The following PLXDC2 variants were observed in gnomAD, a reference collection of about 807,000 sequenced individuals.
The protein encoded by PLXDC2 is plexin domain containing 2, also known as plexin domain-containing protein 2.
A neutral mutation model predicts 68.9 loss-of-function variants in PLXDC2; 40 were observed. The ratio of observed to expected loss-of-function variants is 0.58; its 90% CI spans 0.45 to 0.76. The LOEUF (loss-of-function observed/expected upper bound fraction) is 0.76, where lower values mean the gene tolerates loss of function less well. Among genes scored for constraint, PLXDC2 ranks in the 30% least tolerant of loss-of-function variants. PLXDC2 has a pLI of 0.00. For synonymous variants in PLXDC2, 243 were observed against 234.2 expected, an observed-to-expected ratio of 1.04 and a Z score of -0.34; for missense variants, 644 against 661.9, an observed-to-expected ratio of 0.97 and a Z score of 0.30.
intron 6 of PLXDC2, among the ~76,000 whole-genome samples, chr10:20,152,417 G>T (rs190569192): frequency 2.0e-5 from 3 of 152,200 alleles, no homozygotes; most frequent in Admixed American, 6.5e-5. Context: ...ATAGCTCTGT[G>T]TTGTTCAACC....
At chr10:19,878,404 A>G (rs1324174969) in intron 1 of PLXDC2, among the ~76,000 whole-genome samples, 1 of 152,232 alleles carries the variant, frequency 6.6e-6, no homozygotes, top group Non-Finnish European at 1.5e-5. Flanking sequence ...CGTGGATTTA[A>G]AAAATGTATT....
intron 4 of PLXDC2, among the ~76,000 whole-genome samples, chr10:20,073,295 C>G (rs753219389): frequency 6.6e-6 from 1 of 152,194 alleles, no homozygotes; most frequent in Non-Finnish European, 1.5e-5. Context: ...TCCTTGAAAT[C>G]TATCTCTCTC....
At chr10:19,971,114 G>C (rs1589563003) in intron 1 of PLXDC2, among the ~76,000 whole-genome samples, 2 of 152,230 alleles carry the variant, frequency 1.3e-5, no homozygotes, top group South Asian at 2.1e-4. Context: ...ATGGTTAATT[G>C]ATAATACAGC....
intron 1 of PLXDC2, among the ~76,000 whole-genome samples, chr10:19,879,628 G>A (rs999160534): frequency 3.3e-5 from 5 of 152,126 alleles, no homozygotes; most frequent in Non-Finnish European, 5.9e-5. Context: ...GGCAGGTAGT[G>A]GGAATTCATT....
At chr10:20,205,545 TA>T (rs1462359299) in intron 9 of PLXDC2, among the ~76,000 whole-genome samples, 2 of 152,246 alleles carry the variant, frequency 1.3e-5, no homozygotes, top group East Asian at 1.9e-4. Flanking sequence ...TAAGGGACTT[TA>T]TGTTATAAAA....
chr10:20,095,469 A>G (rs1201064029), intron 4 of PLXDC2, among the ~76,000 whole-genome samples: 3 of 152,216 alleles, frequency 2.0e-5, no homozygotes, highest in Non-Finnish European at 4.4e-5. Flanking sequence ...ATACATAAGA[A>G]CTATGGAAAA....
chr10:19,918,694 G>T (rs528102194), intron 1 of PLXDC2, among the ~76,000 whole-genome samples: 45 of 152,290 alleles, frequency 3.0e-4, no homozygotes, highest in African/African-American at 1.0e-3. Context: ...TATTAACACA[G>T]GCAGTACTTT....
intron 4 of PLXDC2, among the ~76,000 whole-genome samples, chr10:20,075,889 C>T (rs1432770724): frequency 6.6e-6 from 1 of 152,122 alleles, no homozygotes; most frequent in Non-Finnish European, 1.5e-5. Context: ...CTGAAGTGTC[C>T]ACTGATTGCT....
intron 4 of PLXDC2, among the ~76,000 whole-genome samples, chr10:20,075,009 CA>C (rs1836415143): frequency 2.6e-5 from 4 of 152,102 alleles, no homozygotes; most frequent in Admixed American, 6.6e-5. Flanking sequence ...ACTCAAGTCT[CA>C]AGGATTCCTA....
intron 6 of PLXDC2, among the ~76,000 whole-genome samples, chr10:20,151,415 A>G (rs906662810): frequency 2.0e-5 from 3 of 152,142 alleles, no homozygotes; most frequent in African/African-American, 7.2e-5. Flanking sequence ...AATGTTTATG[A>G]CTTAATTTTG....
At position 20,224,470 on chromosome 10, in the gene PLXDC2, C is replaced by T. The variant is rs561065951; in HGVS notation, c.1312+5368C>T. Among the ~76,000 whole-genome samples, 4 of 152,312 alleles carry T rather than the reference C, an allele frequency of 2.6e-5. No individual in the cohort carries two copies. In the East Asian group the frequency reaches 7.7e-4, roughly 29 times the overall value. The stretch of plus-strand genomic sequence containing the variant: ...AGCAGGTACAACTATTAAATGTCTT[C>T]TTTGACATTTGATTAGGTTGCTTCC... On this transcript the variant is annotated intron_variant, in intron 12 of 13. Coordinates refer to ENST00000377252, the MANE Select transcript of PLXDC2 (RefSeq NM_032812.9).
intron 4 of PLXDC2, among the ~76,000 whole-genome samples, chr10:20,095,284 C>G (rs143114416): frequency 1.5e-3 from 225 of 152,186 alleles, no homozygotes; most frequent in African/African-American, 5.2e-3. Context: ...GGTAGCTAAT[C>G]CTACAGTATT....
intron 1 of PLXDC2, among the ~76,000 whole-genome samples, chr10:19,927,747 T>TC (rs200676764): frequency 0.01 from 1,053 of 104,630 alleles, 20 homozygotes; most frequent in African/African-American, 0.037. Flanking sequence ...AAGCAAGGAA[T>TC]CATGGGTGGG....
At chr10:20,125,289 C>G (rs1052638974) in intron 4 of PLXDC2, among the ~76,000 whole-genome samples, 1 of 151,960 alleles carries the variant, frequency 6.6e-6, no homozygotes, top group Non-Finnish European at 1.5e-5. Flanking sequence ...ACGCCATATC[C>G]GAAAAGTGAA....
chr10:19,991,641 T>C (rs1054216651), intron 1 of PLXDC2, among the ~76,000 whole-genome samples: 2 of 152,186 alleles, frequency 1.3e-5, no homozygotes, highest in African/African-American at 4.8e-5. Context: ...CTGGGCTCAA[T>C]GTTGCACCAT....
intron 9 of PLXDC2, among the ~76,000 whole-genome samples, chr10:20,199,944 C>T (rs1287221626): frequency 6.6e-6 from 1 of 151,598 alleles, no homozygotes; most frequent in Non-Finnish European, 1.5e-5. Flanking sequence ...CACCCTATTC[C>T]AAAATAAATT....
chr10:19,960,868 G>A (rs1834144781), intron 1 of PLXDC2, among the ~76,000 whole-genome samples: 1 of 152,188 alleles, frequency 6.6e-6, no homozygotes. Flanking sequence ...AATCATCAGT[G>A]TACATAGCTT....
intron 1 of PLXDC2, among the ~76,000 whole-genome samples, chr10:19,926,993 AG>A (rs1330814887): frequency 6.6e-6 from 1 of 152,124 alleles, no homozygotes; most frequent in Admixed American, 6.6e-5. Context: ...CTAATGTTTG[AG>A]CCCCAGAGTC....
intron 2 of PLXDC2, among the ~76,000 whole-genome samples, chr10:20,046,063 A>G (rs1262142674): frequency 6.6e-6 from 1 of 152,168 alleles, no homozygotes; most frequent in African/African-American, 2.4e-5. Context: ...GAAAAAATAT[A>G]TTGTGTCCAT....
Sources: gnomAD v4.1 joint callset for allele counts (sites outside exome capture counted in the v4.1 genomes callset) on GRCh38, gnomAD v4.1.1 for gene constraint, MANE v1.5 for transcripts, NCBI Gene and HGNC (gene_info 2026-07-23, HGNC 2026-07-21) for gene names.